The following DMTF1 variants were observed in gnomAD, a reference collection of about 807,000 sequenced individuals.
The protein encoded by DMTF1 is cyclin D binding myb like transcription factor 1.
A neutral mutation model predicts 91.1 loss-of-function variants in DMTF1; 39 were observed. That is an observed-to-expected ratio of 0.43 (90% CI 0.33 to 0.56). DMTF1 has a LOEUF of 0.56. DMTF1 is among the 20% of genes least tolerant of loss of function. DMTF1 has a pLI of 0.05. For missense variants in DMTF1, 750 were observed against 914.5 expected (o/e 0.82, Z 2.32); for synonymous variants, 338 against 309.5 (o/e 1.09, Z -0.97).
chr7:87,182,999 G>GTA (rs2129152139), intron 10 of DMTF1, among the ~76,000 whole-genome samples: 1 of 138,478 alleles, frequency 7.2e-6, no homozygotes. Flanking sequence ...CTTCTGTAAA[G>GTA]TAAAGAGATT....
intron 1 of DMTF1, among the ~76,000 whole-genome samples, chr7:87,156,249 G>T (rs574633170): frequency 1.8e-4 from 27 of 152,274 alleles, no homozygotes; most frequent in African/African-American, 6.5e-4. Flanking sequence ...TGTCAAACCA[G>T]ATATGAAATG....
chr7:87,180,803 TA>T (rs57880967), intron 8 of DMTF1, among the ~76,000 whole-genome samples: 5,476 of 149,496 alleles, frequency 0.037, 122 homozygotes, highest in East Asian at 0.065. Context: ...TTATTATAAC[TA>T]AAAAATATTT....
chr7:87,174,351 T>C (rs889981472), intron 6 of DMTF1, among the ~76,000 whole-genome samples: 1 of 152,188 alleles, frequency 6.6e-6, no homozygotes, highest in Non-Finnish European at 1.5e-5. Context: ...AGAGGTAATT[T>C]TTTTTAAATC....
In DMTF1 at chr7:87,152,507, T is replaced by C. The variant is rs1257873815; in HGVS notation, c.-180T>C. 1 of 152,834 alleles carries C rather than the reference T, an allele frequency of 6.5e-6. No individual in the cohort carries two copies. The highest frequency in any genetic ancestry group is 1.5e-5 in the Non-Finnish European group (1 of 68,104). The allele number at this position is 152,834 out of a possible 1,614,324, so 9.5% of individuals were successfully genotyped here. A position where few individuals can be genotyped will look rare whatever the true frequency, so the allele number is the denominator to read the frequency against. On this transcript the variant is annotated 5_prime_UTR_variant, in exon 1 of 18. Transcript: ENST00000331242. ...CTGCTTCCTCCATCCTGGTATTTTTTGGAGCTTCCATCCTGGTTCTTCCAA... is the reference window on the plus strand; with the variant it reads ...CTGCTTCCTCCATCCTGGTATTTTTCGGAGCTTCCATCCTGGTTCTTCCAA...
At chr7:87,168,579 A>G (rs1794359375) in intron 4 of DMTF1, among the ~76,000 whole-genome samples, 1 of 152,100 alleles carries the variant, frequency 6.6e-6, no homozygotes, top group Admixed American at 6.6e-5. Context: ...ATGGTTAATC[A>G]TTATAATCAC....
intron 1 of DMTF1, among the ~76,000 whole-genome samples, chr7:87,156,426 C>T (rs969796165): frequency 6.6e-6 from 1 of 151,990 alleles, no homozygotes; most frequent in Non-Finnish European, 1.5e-5. Flanking sequence ...ATCTTAAAAC[C>T]AAGCCATAGT....
chr7:87,185,451 A>G (rs1037204914), intron 11 of DMTF1, among the ~76,000 whole-genome samples: 3 of 152,178 alleles, frequency 2.0e-5, no homozygotes, highest in African/African-American at 7.2e-5. Flanking sequence ...AACAATGGAA[A>G]CGCTCAGATC....
chr7:87,171,042 G>A lies in DMTF1; in HGVS notation c.280G>A (p.Glu94Lys). 1 of 1,612,534 alleles carries A rather than the reference G, an allele frequency of 6.2e-7. No homozygotes were observed. Among genetic ancestry groups the A allele is most frequent in the Non-Finnish European group, 8.5e-7 (1 of 1,178,884 alleles). ...SFEVTMTATTEVADDEVTEGT... is the reference protein window; with the variant it reads ...SFEVTMTATTKVADDEVTEGT... Reference sequence around the variant, plus strand: ...TGAAGTGACCATGACTGCAACCACAGAAGTAGCAGATGATGAGGTTACTGA... The same window carrying A: ...TGAAGTGACCATGACTGCAACCACAAAAGTAGCAGATGATGAGGTTACTGA... The change falls in exon 5 of 18, where the codon GAA becomes AAA. Residue 94 changes from glutamate (E) to lysine (K), a missense_variant. By Grantham distance (56) the Glu-to-Lys change is moderately conservative. Transcript: ENST00000331242.
rs1038088505 is a variant in DMTF1, at chr7:87,163,608, C to T, written c.-18C>T. ...TGGGAAGGGCTGTAGCTGATCCATCCGTTGTCTAGGTAAGTCTGCTTCTGT... is the reference window on the plus strand; with the variant it reads ...TGGGAAGGGCTGTAGCTGATCCATCTGTTGTCTAGGTAAGTCTGCTTCTGT... On this transcript the variant is annotated 5_prime_UTR_variant, in exon 2 of 18. Coordinates refer to ENST00000331242, the MANE Select transcript of DMTF1 (RefSeq NM_001142327.2). 1 of 152,128 alleles carries T rather than the reference C, an allele frequency of 6.6e-6. No individual in the cohort carries two copies. 9.4% of individuals were successfully genotyped at this position (152,128 alleles called of 1,614,324 possible).
At chr7:87,178,713 T>C (rs1240462378) in intron 7 of DMTF1, among the ~76,000 whole-genome samples, 1 of 152,002 alleles carries the variant, frequency 6.6e-6, no homozygotes, top group Non-Finnish European at 1.5e-5. Flanking sequence ...AAACTGTCCT[T>C]CTCTGGTTTC....
intron 8 of DMTF1, among the ~76,000 whole-genome samples, chr7:87,180,881 A>T (rs1270024434): frequency 7.0e-5 from 9 of 127,962 alleles, no homozygotes; most frequent in Admixed American, 1.6e-4. Flanking sequence ...TTTTTTTGAG[A>T]CAGAGTCTGT....
In DMTF1 at chr7:87,179,538, C is replaced by T; in HGVS notation, c.520-7C>T. The T allele has an allele frequency of 6.6e-7, 1 of 1,505,700 alleles. No individual in the cohort carries two copies. Among genetic ancestry groups the T allele is most frequent in the African/African-American group, 1.4e-5 (1 of 69,266 alleles). 93.3% of individuals were successfully genotyped at this position (1,505,700 alleles called of 1,614,324 possible). ...ATCCCTAAATCAAAGAAATGTAACC[C>T]ATTTAGGCACGCGGAATAAAAGATG... On this transcript the variant is annotated splice_polypyrimidine_tract_variant and splice_region_variant and intron_variant, in intron 7 of 17. Coordinates refer to ENST00000331242, the MANE Select transcript of DMTF1 (RefSeq NM_001142327.2).
chr7:87,167,838 T>A (rs940561178), intron 4 of DMTF1, among the ~76,000 whole-genome samples: 1 of 152,248 alleles, frequency 6.6e-6, no homozygotes, highest in Non-Finnish European at 1.5e-5. Context: ...AATTGGCCTA[T>A]CTATACAGAT....
At chr7:87,159,886 A>G (rs530835199) in intron 1 of DMTF1, among the ~76,000 whole-genome samples, 1 of 152,364 alleles carries the variant, frequency 6.6e-6, no homozygotes, top group African/African-American at 2.4e-5. Context: ...ATAGTGGTAT[A>G]ATCTTTCAGG....
chr7:87,161,295 C>T (rs961173488), intron 1 of DMTF1, among the ~76,000 whole-genome samples: 5 of 152,050 alleles, frequency 3.3e-5, no homozygotes, highest in Non-Finnish European at 7.4e-5. Context: ...GTCAGGAGTT[C>T]GAGACCAGCC....
chr7:87,174,519 CAAAG>C (rs1025996921), intron 6 of DMTF1, 70 bp from the exon 7 acceptor site: 1 of 1,005,566 alleles, frequency 9.9e-7, no homozygotes, highest in African/African-American at 1.6e-5. Context: ...AATTTAATCA[CAAAG>C]GAAATCTTTG....
rs1801075450 is a variant in DMTF1 at position 87,195,584 on chromosome 7, C to T, written c.*444C>T. 1.3e-5 allele frequency: 2 copies of T among 153,928 alleles called. No individual in the cohort carries two copies. Among genetic ancestry groups the T allele is most frequent in the East Asian group, 3.9e-4 (2 of 5,190 alleles). The allele number at this position is 153,928 out of a possible 1,614,324, so 9.5% of individuals were successfully genotyped here. A position where few individuals can be genotyped will look rare whatever the true frequency, so the allele number is the denominator to read the frequency against. On this transcript the variant is annotated 3_prime_UTR_variant, in exon 18 of 18. Transcript: ENST00000331242. ...TGGTCTAGAGCTTACCAGTGATCTT[C>T]TGATCTTCAAGAAGACTAAGTTTGA...
At chr7:87,179,501 A>G (rs376280178) in intron 7 of DMTF1, 44 bp from the exon 8 acceptor site, 33 of 1,449,518 alleles carry the variant, frequency 2.3e-5, no homozygotes, top group Admixed American at 2.0e-4. Context: ...ATCCATATGC[A>G]TTTTATCAGA....
chr7:87,191,073 G>C, intron 14 of DMTF1, 46 bp downstream of exon 14: 1 of 1,236,764 alleles, frequency 8.1e-7, no homozygotes, highest in Non-Finnish European at 1.2e-6. Flanking sequence ...GCATGAGAAA[G>C]ATCAGTTGCT....
Sources: gnomAD v4.1 joint callset for allele counts (sites outside exome capture counted in the v4.1 genomes callset) on GRCh38, gnomAD v4.1.1 for gene constraint, MANE v1.5 for transcripts, NCBI Gene and HGNC (gene_info 2026-07-23, HGNC 2026-07-21) for gene names.